Variants in WDR27 observed in about 807,000 individuals in gnomAD.
WDR27 encodes the protein WD repeat-containing protein 27.
Under a neutral mutation model 114.4 loss-of-function variants are expected in WDR27, and 100 were observed. The ratio of observed to expected loss-of-function variants is 0.87; its 90% CI spans 0.74 to 1.03. The LOEUF is 1.03. Ranked by LOEUF, WDR27 falls within the 50% of genes least tolerant of loss-of-function variation. The probability of loss-of-function intolerance (pLI) is 0.00; values close to 1 mark genes in which losing one functional copy is unlikely to be tolerated. For synonymous variants in WDR27, 449 were observed against 423.1 expected, an observed-to-expected ratio of 1.06 and a Z score of -0.75; for missense variants, 1,129 against 1,092.9, an observed-to-expected ratio of 1.03 and a Z score of -0.47.
chr6:169,433,886 C>T, the WDR27 span, among the ~76,000 whole-genome samples: 2 of 152,192 alleles, frequency 1.3e-5, no homozygotes, highest in Non-Finnish European at 2.9e-5. Context: ...ACATAAATGT[C>T]TTCTTTTGAG....
rs1031074649 is a variant in WDR27, at chr6:169,684,761, G to A, written c.189+4056C>T. Among the ~76,000 whole-genome samples the A allele has an allele frequency of 2.0e-5, 3 of 152,172 alleles. No individual in the cohort carries two copies. Among genetic ancestry groups the A allele is most frequent in the Admixed American group, 2.0e-4 (3 of 15,274 alleles). ...TCTATGGGCCACCCCTAATGGGCATGCCCGCAGCCAGCTGAGCAGCCTTGT... is the reference window on the plus strand; with the variant it reads ...TCTATGGGCCACCCCTAATGGGCATACCCGCAGCCAGCTGAGCAGCCTTGT... On this transcript the variant is annotated intron_variant, in intron 2 of 25. Coordinates refer to ENST00000448612, the MANE Select transcript of WDR27 (RefSeq NM_182552.5). The surrounding 1 kb of genome is among the most constrained non-coding windows in gnomAD (Gnocchi z 4.3).
chr6:169,534,212 C>T (rs371089908), intron 25 of WDR27, among the ~76,000 whole-genome samples: 27 of 152,300 alleles, frequency 1.8e-4, no homozygotes, highest in African/African-American at 6.5e-4. Flanking sequence ...ATTTGTTAAA[C>T]CAACCTTGCA....
chr6:169,680,987 C>G (rs992876667), intron 2 of WDR27, among the ~76,000 whole-genome samples: 2 of 152,266 alleles, frequency 1.3e-5, no homozygotes, highest in South Asian at 4.1e-4. Flanking sequence ...ACTGACTGAA[C>G]AACTGGACAT....
chr6:169,584,342 T>A (rs1804147796), intron 23 of WDR27, among the ~76,000 whole-genome samples: 1 of 152,194 alleles, frequency 6.6e-6, no homozygotes, highest in South Asian at 2.1e-4. Context: ...GCTTTTAGGT[T>A]GTTTCTATAG....
intron 13 of WDR27, among the ~76,000 whole-genome samples, chr6:169,652,238 G>A (rs1181944315): frequency 6.6e-6 from 1 of 152,158 alleles, no homozygotes; most frequent in Non-Finnish European, 1.5e-5. Flanking sequence ...TTGTTTTGTT[G>A]TTGTTGTTTT....
intron 14 of WDR27, among the ~76,000 whole-genome samples, chr6:169,650,011 CT>C (rs1821881916): frequency 6.7e-6 from 1 of 149,770 alleles, no homozygotes; most frequent in African/African-American, 2.5e-5. Flanking sequence ...TCTATTCCCC[CT>C]CCATCCATCC....
chr6:169,495,273 C>A (rs2115452716), intron 25 of WDR27, among the ~76,000 whole-genome samples: 1 of 151,922 alleles, frequency 6.6e-6, no homozygotes, highest in South Asian at 2.1e-4. Context: ...GTAGCGTTTC[C>A]TAATATATGA....
At chr6:169,584,117 G>A (rs1804108111) in intron 23 of WDR27, among the ~76,000 whole-genome samples, 1 of 151,914 alleles carries the variant, frequency 6.6e-6, no homozygotes, top group African/African-American at 2.4e-5. Flanking sequence ...TCTATCTTGT[G>A]TCTTTGAGCT....
At chr6:169,613,451 G>T in intron 22 of WDR27, 108 bp downstream of exon 22, 1 of 881,310 alleles carries the variant, frequency 1.1e-6, no homozygotes, top group Non-Finnish European at 1.8e-6. Flanking sequence ...AGATTAGTCA[G>T]TGTGCACAGA....
chr6:169,543,528 T>A (rs1349805539), intron 25 of WDR27, among the ~76,000 whole-genome samples: 1 of 152,164 alleles, frequency 6.6e-6, no homozygotes, highest in East Asian at 1.9e-4. Context: ...TAATAATAAA[T>A]CCATTACCTT....
chr6:169,685,664 C>G (rs1260744018), intron 2 of WDR27, among the ~76,000 whole-genome samples: 1 of 151,766 alleles, frequency 6.6e-6, no homozygotes, highest in Non-Finnish European at 1.5e-5. Context: ...GAAATAATAC[C>G]AGCAGACAAA....
At chr6:169,587,274 A>G (rs546418573) in intron 23 of WDR27, among the ~76,000 whole-genome samples, 72 of 136,002 alleles carry the variant, frequency 5.3e-4, no homozygotes, top group African/African-American at 1.9e-3. Flanking sequence ...GCTGGAGTGC[A>G]GTGGTGCAAT....
intron 25 of WDR27, among the ~76,000 whole-genome samples, chr6:169,528,684 G>A (rs192427514): frequency 7.7e-4 from 117 of 152,284 alleles, no homozygotes; most frequent in Middle Eastern, 3.4e-3. Context: ...GGGCCAACAG[G>A]CCTGGCTAAT....
chr6:169,451,390 C>T, the WDR27 span, among the ~76,000 whole-genome samples: 2 of 152,138 alleles, frequency 1.3e-5, no homozygotes, highest in Admixed American at 1.3e-4. Flanking sequence ...AAGCTGTTCC[C>T]CGACCACCAT....
chr6:169,592,343 G>A (rs1305126164), intron 23 of WDR27, among the ~76,000 whole-genome samples: 1 of 152,100 alleles, frequency 6.6e-6, no homozygotes, highest in Non-Finnish European at 1.5e-5. Context: ...AACAAGTTAG[G>A]ATTTTGCGTT....
rs774131636 is a variant in WDR27 at position 169,651,913 on chromosome 6, G to A, written c.1481+17C>T. ...CGCAGGTGCATTTCTGTCTCTCATT[G>A]ACATGAGTTCACTCACTGTGGTGCT... On this transcript the variant is annotated intron_variant, in intron 14 of 25. Coordinates refer to ENST00000448612, the MANE Select transcript of WDR27 (RefSeq NM_182552.5). The A allele has an allele frequency of 3.1e-6, 5 of 1,607,394 alleles. No individual in the cohort carries two copies. The East Asian group carries it at 8.9e-5, about 29-fold the overall frequency.
chr6:169,430,154 G>A, the WDR27 span, among the ~76,000 whole-genome samples: 2 of 152,166 alleles, frequency 1.3e-5, no homozygotes, highest in Non-Finnish European at 2.9e-5. Flanking sequence ...CATATGTCAC[G>A]GCCCAAACTC....
intron 23 of WDR27, among the ~76,000 whole-genome samples, chr6:169,588,738 C>G (rs1446404859): frequency 6.6e-6 from 1 of 152,200 alleles, no homozygotes; most frequent in African/African-American, 2.4e-5. Flanking sequence ...TGCTGCTGGT[C>G]CAGGGCACCC....
chr6:169,664,216 GTCT>G lies in WDR27; in HGVS notation c.851_853del (p.Lys284del). Reference sequence around the variant, plus strand: ...AACCCTTCTTGTGGAGAAAGTCTCTGTCTTCTTCCTTAGGTCAACCCGTGCCAC... The same window carrying G: ...AACCCTTCTTGTGGAGAAAGTCTCTGTCTTCCTTAGGTCAACCCGTGCCAC... On this transcript the variant is annotated inframe_deletion, in exon 8 of 26. Coordinates refer to ENST00000448612, the MANE Select transcript of WDR27 (RefSeq NM_182552.5). The G allele has an allele frequency of 6.2e-7, 1 of 1,612,944 alleles. No individual in the cohort carries two copies. The highest frequency in any genetic ancestry group is 8.5e-7 in the Non-Finnish European group (1 of 1,179,266).
Sources: allele counts gnomAD v4.1 joint callset (sites outside exome capture counted in the v4.1 genomes callset), GRCh38; gene constraint gnomAD v4.1.1; non-coding constraint Gnocchi (gnomAD v3.1); transcripts MANE v1.5; gene names NCBI Gene and HGNC (gene_info 2026-07-23, HGNC 2026-07-21).